RGL1: variants seen among roughly 807,000 people sequenced by gnomAD.
The protein encoded by RGL1 is ral guanine nucleotide dissociation stimulator-like 1.
In RGL1, 24 loss-of-function variants were observed where a neutral mutation model predicts 95.2. The ratio of observed to expected loss-of-function variants is 0.25; its 90% CI spans 0.18 to 0.35. RGL1 has a LOEUF of 0.35. RGL1 is among the 10% of genes least tolerant of loss of function. RGL1 has a pLI of 1.00. For synonymous variants in RGL1, 329 were observed against 344.9 expected, an observed-to-expected ratio of 0.95 and a Z score of 0.51; for missense variants, 715 against 936.3, an observed-to-expected ratio of 0.76 and a Z score of 3.08.
intron 1 of RGL1, chr1:183,647,700 T>C (rs1187975695): frequency 1.2e-6 from 2 of 1,601,048 alleles, no homozygotes; most frequent in South Asian, 2.2e-5. Flanking sequence ...TTTCTTCTTC[T>C]TCTTTTCATC....
chr1:183,815,346 T>G (rs1011974353), intron 2 of RGL1, among the ~76,000 whole-genome samples: 4 of 152,140 alleles, frequency 2.6e-5, no homozygotes, highest in Non-Finnish European at 4.4e-5. Context: ...AATAGAAAAC[T>G]GAGGTAATTG....
At chr1:183,918,647 G>A (rs1381359309) in intron 16 of RGL1, among the ~76,000 whole-genome samples, 2 of 152,158 alleles carry the variant, frequency 1.3e-5, no homozygotes, top group Non-Finnish European at 2.9e-5. Context: ...GTGTTGGGAG[G>A]GTAGTGAGCA....
At chr1:183,815,952 C>A (rs1349918858) in intron 2 of RGL1, among the ~76,000 whole-genome samples, 1 of 152,002 alleles carries the variant, frequency 6.6e-6, no homozygotes, top group Non-Finnish European at 1.5e-5. Flanking sequence ...ATATGTAACC[C>A]CAGGTTGCTT....
intron 4 of RGL1, among the ~76,000 whole-genome samples, chr1:183,874,846 A>G (rs1666395897): frequency 6.6e-6 from 1 of 152,180 alleles, no homozygotes; most frequent in African/African-American, 2.4e-5. Flanking sequence ...GGCAGCTTCT[A>G]TCTGGCAACC....
chr1:183,705,726 C>T (rs1039991333), intron 1 of RGL1, among the ~76,000 whole-genome samples: 1 of 152,192 alleles, frequency 6.6e-6, no homozygotes. Flanking sequence ...TTAGGAACTA[C>T]TGGACATACT....
chr1:183,849,682 G>A (rs995638453), intron 3 of RGL1, among the ~76,000 whole-genome samples: 1 of 151,654 alleles, frequency 6.6e-6, no homozygotes, highest in African/African-American at 2.4e-5. Flanking sequence ...GTAAAGACAG[G>A]GCTTTACCAT....
intron 3 of RGL1, among the ~76,000 whole-genome samples, chr1:183,863,335 TG>T (rs1484390294): frequency 1.3e-5 from 2 of 152,120 alleles, no homozygotes; most frequent in Non-Finnish European, 1.5e-5. Context: ...TTTTGTTTTT[TG>T]TTTTTTGTTT....
intron 3 of RGL1, among the ~76,000 whole-genome samples, chr1:183,858,569 T>C (rs75852533): frequency 0.011 from 1,729 of 152,332 alleles, 31 homozygotes; most frequent in African/African-American, 0.039. Context: ...GCTTCATGGT[T>C]CATTCAGGTA....
chr1:183,640,032 G>A (rs1319515901), intron 1 of RGL1, among the ~76,000 whole-genome samples: 1 of 151,986 alleles, frequency 6.6e-6, no homozygotes, highest in Admixed American at 6.6e-5. Context: ...AGTAGAGACG[G>A]GGTTTCACCA....
At chr1:183,727,215 A>G (rs1656361848) in intron 1 of RGL1, among the ~76,000 whole-genome samples, 1 of 152,210 alleles carries the variant, frequency 6.6e-6, no homozygotes, top group Admixed American at 6.5e-5. Flanking sequence ...TACAAAATTA[A>G]TGAATGTAGT....
At chr1:183,882,327 T>C (rs1339702099) in intron 5 of RGL1, among the ~76,000 whole-genome samples, 1 of 152,198 alleles carries the variant, frequency 6.6e-6, no homozygotes, top group African/African-American at 2.4e-5. Context: ...CCTTAGCACA[T>C]ACCCTGCTCC....
At chr1:183,640,262 G>A (rs1206711216) in intron 1 of RGL1, among the ~76,000 whole-genome samples, 1 of 152,316 alleles carries the variant, frequency 6.6e-6, no homozygotes, top group South Asian at 2.1e-4. Flanking sequence ...TACTGGGCAG[G>A]TATTGTTTTG....
At chr1:183,684,633 G>C (rs994502960) in intron 1 of RGL1, among the ~76,000 whole-genome samples, 1 of 152,184 alleles carries the variant, frequency 6.6e-6, no homozygotes, top group Non-Finnish European at 1.5e-5. Context: ...CGCCACTGGG[G>C]TATGAAAAAA....
intron 2 of RGL1, among the ~76,000 whole-genome samples, chr1:183,808,668 G>C (rs912103542): frequency 3.3e-5 from 5 of 152,074 alleles, no homozygotes; most frequent in Non-Finnish European, 7.3e-5. Flanking sequence ...ACTAGTTTCA[G>C]AGTTACTAGA....
intron 1 of RGL1, among the ~76,000 whole-genome samples, chr1:183,719,994 A>G (rs1480608519): frequency 6.6e-6 from 1 of 152,190 alleles, no homozygotes; most frequent in Non-Finnish European, 1.5e-5. Flanking sequence ...AGCTGAATGA[A>G]GGTGGCATTA....
At chr1:183,731,197 A>C (rs1369325305) in intron 1 of RGL1, among the ~76,000 whole-genome samples, 4 of 152,214 alleles carry the variant, frequency 2.6e-5, no homozygotes, top group Non-Finnish European at 5.9e-5. Flanking sequence ...GAATATTATA[A>C]TAGATTCCAT....
chr1:183,702,743 T>C (rs1654676387), intron 1 of RGL1, among the ~76,000 whole-genome samples: 1 of 152,170 alleles, frequency 6.6e-6, no homozygotes, highest in South Asian at 2.1e-4. Flanking sequence ...GATTGGAGCA[T>C]GGATAAACAC....
intron 1 of RGL1, among the ~76,000 whole-genome samples, chr1:183,676,581 A>AT (rs1358498857): frequency 1.3e-5 from 2 of 151,608 alleles, no homozygotes; most frequent in Non-Finnish European, 2.9e-5. Context: ...TTCTAACTGA[A>AT]ACAGGGGCAA....
intron 2 of RGL1, among the ~76,000 whole-genome samples, chr1:183,845,920 A>G (rs903775934): frequency 1.3e-5 from 2 of 151,978 alleles, no homozygotes; most frequent in South Asian, 2.1e-4. Flanking sequence ...GTGTGCAAAA[A>G]TTTTTTTCCC....
Sources: gnomAD v4.1 joint callset for allele counts (sites outside exome capture counted in the v4.1 genomes callset) on GRCh38, gnomAD v4.1.1 for gene constraint, MANE v1.5 for transcripts, NCBI Gene and HGNC (gene_info 2026-07-23, HGNC 2026-07-21) for gene names.